The following RIIAD1 variants were observed in gnomAD, a reference collection of about 807,000 sequenced individuals.
RIIAD1 encodes regulatory subunit of type II PKA R-subunit domain containing 1.
RIIAD1 carries 15 observed loss-of-function variants against 13.3 expected under a neutral mutation model. That is an observed-to-expected ratio of 1.13 (90% confidence interval 0.76 to 1.74). The LOEUF (loss-of-function observed/expected upper bound fraction) is 1.74, where lower values mean the gene tolerates loss of function less well. RIIAD1 is among the 40% of genes most tolerant of loss of function. The pLI is 0.00. For missense variants in RIIAD1, 121 were observed against 112.2 expected (o/e 1.08, Z -0.35); for synonymous variants, 50 against 43.3 (o/e 1.16, Z -0.61).
At chr1:151,719,986 A>C (rs1192536357), upstream of RIIAD1, among the ~76,000 whole-genome samples, 4 of 152,224 alleles carry the variant, frequency 2.6e-5, no homozygotes, top group Non-Finnish European at 5.9e-5. Flanking sequence ...TATATGGTTT[A>C]AAAATGTCTA....
chr1:151,721,517 G>A, upstream of RIIAD1: 2 of 1,299,032 alleles, frequency 1.5e-6, no homozygotes, highest in Admixed American at 4.0e-5. Flanking sequence ...GCGGCCGGTC[G>A]CCTTGACGAC....
intron 2 of RIIAD1, among the ~76,000 whole-genome samples, chr1:151,722,792 A>C (rs910842517): frequency 6.6e-6 from 1 of 152,122 alleles, no homozygotes; most frequent in Admixed American, 6.5e-5. Flanking sequence ...TGAGCTGTCA[A>C]TCTTCTGTTA....
intron 3 of RIIAD1, chr1:151,714,322 G>A: frequency 1.7e-6 from 1 of 602,278 alleles, no homozygotes; most frequent in South Asian, 2.0e-5. Flanking sequence ...TCCCTCTAGT[G>A]TTGCCCCATG....
At chr1:151,724,334 G>A (rs553178584) in intron 2 of RIIAD1, among the ~76,000 whole-genome samples, 1 of 152,192 alleles carries the variant, frequency 6.6e-6, no homozygotes, top group Non-Finnish European at 1.5e-5. Flanking sequence ...AGAGGGTTTA[G>A]TGTTTGAAGT....
At chr1:151,715,784 C>T in intron 4 of RIIAD1, 1 of 1,594,322 alleles carries the variant, frequency 6.3e-7, no homozygotes, top group African/African-American at 1.3e-5. Flanking sequence ...CCACATCAGC[C>T]CTTCCCAGCC....
At chr1:151,725,872 C>T (rs982496897) in intron 2 of RIIAD1, among the ~76,000 whole-genome samples, 2 of 152,114 alleles carry the variant, frequency 1.3e-5, no homozygotes, top group East Asian at 3.8e-4. Flanking sequence ...CGTAATAGAA[C>T]CTCTTCTGTT....
At chr1:151,718,342 C>G (rs1221586524), upstream of RIIAD1, among the ~76,000 whole-genome samples, 1 of 152,186 alleles carries the variant, frequency 6.6e-6, no homozygotes, top group African/African-American at 2.4e-5. Flanking sequence ...GCTGAAATAA[C>G]TTGCCTAAAG....
At chr1:151,711,674 T>C (rs1360050852) in intron 1 of RIIAD1, among the ~76,000 whole-genome samples, 1 of 152,200 alleles carries the variant, frequency 6.6e-6, no homozygotes, top group Admixed American at 6.5e-5. Flanking sequence ...TTCTCTCCTG[T>C]GCTCTAGCCA....
At chr1:151,716,846 CT>C (rs1186939864), upstream of RIIAD1, 3 of 463,442 alleles carry the variant, frequency 6.5e-6, no homozygotes, top group Non-Finnish European at 1.3e-5. Context: ...CTCCTTTCCC[CT>C]GACATCAGTG....
intron 4 of RIIAD1, among the ~76,000 whole-genome samples, chr1:151,714,971 G>A (rs1673352099): frequency 6.6e-6 from 1 of 151,936 alleles, no homozygotes; most frequent in Non-Finnish European, 1.5e-5. Context: ...TAAGAGTAGT[G>A]TGGCTTTCTC....
At chr1:151,715,623 A>G in intron 4 of RIIAD1, 2 of 1,471,030 alleles carry the variant, frequency 1.4e-6, no homozygotes, top group Non-Finnish European at 9.0e-7. Context: ...ACACACCCAT[A>G]TGTCTGGGAT....
chr1:151,723,324 G>A (rs1673772960), intron 2 of RIIAD1, among the ~76,000 whole-genome samples: 1 of 152,022 alleles, frequency 6.6e-6, no homozygotes, highest in Admixed American at 6.5e-5. Flanking sequence ...AACCCAGGAG[G>A]CAAAGGTTGC....
chr1:151,724,639 C>A (rs1422293806), intron 2 of RIIAD1, among the ~76,000 whole-genome samples: 1 of 152,194 alleles, frequency 6.6e-6, no homozygotes, highest in African/African-American at 2.4e-5. Context: ...AGCCACAATT[C>A]TCCAGCCTAT....
rs778490802 is a variant in RIIAD1 at position 151,729,779 on chromosome 1, G to A, written c.*349G>A. The A allele has an allele frequency of 2.6e-5, 4 of 152,216 alleles. No homozygotes were observed. The highest frequency in any genetic ancestry group is 5.9e-5 in the Non-Finnish European group (4 of 68,042). The allele number at this position is 152,216 out of a possible 1,614,324, so 9.4% of individuals were successfully genotyped here. On this transcript the variant is annotated 3_prime_UTR_variant, in exon 5 of 5. Transcript: ENST00000479191. ...CCCTGGGAAGAACACAGCTGATCACGGGGGCACAGAAACAAGCAAGTCCAT... is the reference window on the plus strand; with the variant it reads ...CCCTGGGAAGAACACAGCTGATCACAGGGGCACAGAAACAAGCAAGTCCAT...
chr1:151,719,689 G>T, upstream of RIIAD1: 2 of 702,648 alleles, frequency 2.8e-6, no homozygotes, highest in South Asian at 3.0e-5. Context: ...CAAGTGGAAG[G>T]TAAGACAGGC....
chr1:151,721,496 C>T, upstream of RIIAD1: 2 of 1,243,852 alleles, frequency 1.6e-6, no homozygotes, highest in Non-Finnish European at 2.1e-6. Flanking sequence ...GGGGCGGGGC[C>T]TCGCCGGCTC....
At chr1:151,715,032 C>T (rs1673356332) in intron 4 of RIIAD1, among the ~76,000 whole-genome samples, 1 of 152,112 alleles carries the variant, frequency 6.6e-6, no homozygotes, top group African/African-American at 2.4e-5. Context: ...CCACCTCCCT[C>T]CATCTTGATC....
chr1:151,714,176 G>A (rs1485729102), intron 3 of RIIAD1, among the ~76,000 whole-genome samples: 3 of 151,946 alleles, frequency 2.0e-5, no homozygotes, highest in East Asian at 3.9e-4. Context: ...CTGTTCTCTG[G>A]GCACTCCTCC....
intron 4 of RIIAD1, chr1:151,716,045 G>C (rs1250593895): frequency 6.3e-7 from 1 of 1,596,378 alleles, no homozygotes; most frequent in Non-Finnish European, 8.5e-7. Context: ...AGGAGGGGCC[G>C]AGGGGAGCAG....
Sources: gnomAD v4.1 joint callset for allele counts (sites outside exome capture counted in the v4.1 genomes callset) on GRCh38, gnomAD v4.1.1 for gene constraint, MANE v1.5 for transcripts, NCBI Gene and HGNC (gene_info 2026-07-23, HGNC 2026-07-21) for gene names.